Variants in MKLN1 observed in about 807,000 individuals in gnomAD.
MKLN1 encodes muskelin 1.
Under a neutral mutation model 99.0 loss-of-function variants are expected in MKLN1, and 18 were observed. The observed-to-expected ratio is 0.18, with a 90% CI of 0.13 to 0.27. The LOEUF is 0.27. Among genes scored for constraint, MKLN1 ranks in the 10% least tolerant of loss-of-function variants. The pLI, the probability that MKLN1 is intolerant of heterozygous loss-of-function variation, is 1.00. For missense variants in MKLN1, 621 were observed against 875.9 expected (o/e 0.71, Z 3.67); for synonymous variants, 288 against 293.2 (o/e 0.98, Z 0.18).
chr7:131,178,661 T>G (rs1796336414), intron 2 of MKLN1, among the ~76,000 whole-genome samples: 1 of 152,212 alleles, frequency 6.6e-6, no homozygotes, highest in African/African-American at 2.4e-5. Context: ...CTCCTGCTTT[T>G]GTTTATTTTG....
At chr7:131,282,322 C>A (rs1798063592) in intron 3 of MKLN1, among the ~76,000 whole-genome samples, 1 of 140,586 alleles carries the variant, frequency 7.1e-6, no homozygotes, top group Non-Finnish European at 1.5e-5. Flanking sequence ...GCACTCCAGC[C>A]TGGGCAACAA....
intron 1 of MKLN1, among the ~76,000 whole-genome samples, chr7:131,369,600 G>T (rs1223320500): frequency 2.0e-5 from 3 of 152,076 alleles, no homozygotes; most frequent in Non-Finnish European, 4.4e-5. Context: ...CTCTAGATAT[G>T]AATTCTTTAT....
intron 8 of MKLN1, among the ~76,000 whole-genome samples, chr7:131,427,813 C>G (rs966635086): frequency 6.6e-6 from 1 of 151,962 alleles, no homozygotes; most frequent in Admixed American, 6.6e-5. Flanking sequence ...CTCAGCCCCT[C>G]AAAGTGCTGG....
At chr7:131,137,397 CAACGT>C (rs1345481578) in intron 1 of MKLN1, among the ~76,000 whole-genome samples, 2 of 152,102 alleles carry the variant, frequency 1.3e-5, no homozygotes, top group Non-Finnish European at 2.9e-5. Flanking sequence ...AAGATTATTG[CAACGT>C]AATGTGTATG....
chr7:131,301,222 A>G (rs533492727), intron 3 of MKLN1, among the ~76,000 whole-genome samples: 6 of 152,202 alleles, frequency 3.9e-5, no homozygotes, highest in African/African-American at 1.4e-4. Flanking sequence ...AGGCTTCACT[A>G]TAAATATGTT....
chr7:131,377,525 T>G (rs1793701037), intron 2 of MKLN1, among the ~76,000 whole-genome samples: 1 of 152,198 alleles, frequency 6.6e-6, no homozygotes, highest in Non-Finnish European at 1.5e-5. Flanking sequence ...TGCTCAAATT[T>G]TGGTATGTTA....
At chr7:131,110,849 G>C (rs1469502866) in intron 1 of MKLN1, among the ~76,000 whole-genome samples, 2 of 152,096 alleles carry the variant, frequency 1.3e-5, no homozygotes, top group African/African-American at 4.8e-5. Context: ...TGCCCATCCC[G>C]CTTCTCTCCT....
At chr7:131,133,361 T>C (rs1324379104) in intron 1 of MKLN1, among the ~76,000 whole-genome samples, 1 of 137,296 alleles carries the variant, frequency 7.3e-6, no homozygotes, top group African/African-American at 2.8e-5. Flanking sequence ...TTCTTTTTTT[T>C]TTTTTTTTTT....
At chr7:131,166,665 C>T (rs550330959) in intron 2 of MKLN1, among the ~76,000 whole-genome samples, 1 of 152,176 alleles carries the variant, frequency 6.6e-6, no homozygotes, top group Non-Finnish European at 1.5e-5. Context: ...TCCCTCACTT[C>T]TTTTGGCTCT....
chr7:131,459,817 A>G (rs1260527198), intron 12 of MKLN1, among the ~76,000 whole-genome samples: 3 of 151,744 alleles, frequency 2.0e-5, no homozygotes, highest in Non-Finnish European at 4.4e-5. Context: ...GGGCTCTCTC[A>G]AACAGGACAC....
chr7:131,316,010 C>T (rs779511069), intron 3 of MKLN1, among the ~76,000 whole-genome samples: 1 of 152,226 alleles, frequency 6.6e-6, no homozygotes, highest in African/African-American at 2.4e-5. Context: ...TCTTTCCTGC[C>T]TGCTGGCTCT....
intron 12 of MKLN1, among the ~76,000 whole-genome samples, chr7:131,446,284 A>G (rs761298466): frequency 1.3e-5 from 2 of 152,122 alleles, no homozygotes; most frequent in Non-Finnish European, 2.9e-5. Flanking sequence ...TAAGGGGGGA[A>G]CTTCATGGGA....
At chr7:131,420,512 A>T (rs1172320398) in intron 8 of MKLN1, among the ~76,000 whole-genome samples, 2 of 152,188 alleles carry the variant, frequency 1.3e-5, no homozygotes, top group Non-Finnish European at 2.9e-5. Flanking sequence ...TTGTTCAGCA[A>T]CTTGATTTTA....
In MKLN1 at chr7:131,381,878, C is replaced by T. The variant is rs144774673; in HGVS notation, c.169-5242C>T. Among the ~76,000 whole-genome samples, 411 of 152,280 alleles carry T rather than the reference C, an allele frequency of 2.7e-3. 4 individuals carry two copies. The highest frequency in any genetic ancestry group is 9.3e-3 in the African/African-American group (386 of 41,554). ...CATCAAATACTAATTTAAACATGTA[C>T]ATGCATACATCTGTATGTACTCACA... On this transcript the variant is annotated intron_variant, in intron 2 of 17. Transcript: ENST00000352689.
chr7:131,400,797 A>G (rs1384461427), intron 6 of MKLN1, among the ~76,000 whole-genome samples: 1 of 152,052 alleles, frequency 6.6e-6, no homozygotes, highest in East Asian at 1.9e-4. Flanking sequence ...TGCAGTTTTG[A>G]TATCTACAGA....
chr7:131,368,076 AATACTACTATGGCAATAGGCTCT>A, intron 1 of MKLN1, among the ~76,000 whole-genome samples: 1 of 152,276 alleles, frequency 6.6e-6, no homozygotes, highest in Non-Finnish European at 1.5e-5. Context: ...TGTTTTATAG[AATACTACTATGGCAATAGGCTCT>A]ATTACCACTG....
chr7:131,400,464 A>G (rs1001834382), intron 6 of MKLN1, among the ~76,000 whole-genome samples: 1 of 150,620 alleles, frequency 6.6e-6, no homozygotes, highest in Non-Finnish European at 1.5e-5. Context: ...TGGAGTATAA[A>G]CAAACAAATA....
chr7:131,261,120 CAACAAA>C (rs1797726160), intron 3 of MKLN1, among the ~76,000 whole-genome samples: 1 of 152,152 alleles, frequency 6.6e-6, no homozygotes, highest in African/African-American at 2.4e-5. Context: ...AAAGCAATTG[CAACAAA>C]AACAAAAATT....
chr7:131,268,851 A>C (rs1797846040), intron 3 of MKLN1, among the ~76,000 whole-genome samples: 3 of 152,178 alleles, frequency 2.0e-5, no homozygotes, highest in Admixed American at 6.5e-5. Flanking sequence ...AAATATGCTA[A>C]CTTATTTTCA....
Sources: allele counts gnomAD v4.1 joint callset (sites outside exome capture counted in the v4.1 genomes callset), GRCh38; gene constraint gnomAD v4.1.1; transcripts MANE v1.5; gene names NCBI Gene and HGNC (gene_info 2026-07-23, HGNC 2026-07-21).